The following LRBA variants were observed in gnomAD, a reference collection of about 807,000 sequenced individuals.
LRBA encodes the protein lipopolysaccharide-responsive and beige-like anchor protein.
A neutral mutation model predicts 330.0 loss-of-function variants in LRBA; 176 were observed. The ratio of observed to expected loss-of-function variants is 0.53; its 90% CI spans 0.47 to 0.60. The LOEUF is 0.60. LRBA is among the 20% of genes least tolerant of loss of function. The pLI is 0.00. For synonymous variants in LRBA, 1,230 were observed against 1,193.0 expected (o/e 1.03, Z -0.64); for missense variants, 3,259 against 3,444.8 (o/e 0.95, Z 1.35).
intron 40 of LRBA, among the ~76,000 whole-genome samples, chr4:150,506,846 A>T (rs1761155836): frequency 6.6e-6 from 1 of 152,222 alleles, no homozygotes; most frequent in African/African-American, 2.4e-5. Flanking sequence ...CTCAGGCCAA[A>T]ATCTCCTTAA....
At chr4:150,400,906 T>C (rs984418135) in intron 47 of LRBA, among the ~76,000 whole-genome samples, 1 of 152,204 alleles carries the variant, frequency 6.6e-6, no homozygotes, top group African/African-American at 2.4e-5. Context: ...GTGAGTGTTA[T>C]GGGTTGAGCT....
chr4:150,749,545 C>G (rs1374451887), intron 35 of LRBA, among the ~76,000 whole-genome samples: 1 of 152,090 alleles, frequency 6.6e-6, no homozygotes, highest in East Asian at 1.9e-4. Flanking sequence ...TGCTTGAGCC[C>G]AGGAGCTCAA....
At chr4:150,625,647 C>T (rs900615621) in intron 37 of LRBA, among the ~76,000 whole-genome samples, 9 of 150,774 alleles carry the variant, frequency 6.0e-5, no homozygotes, top group African/African-American at 1.9e-4. Context: ...AATATTCATG[C>T]CCAATCAGCA....
chr4:150,460,336 C>T (rs1754610183), intron 44 of LRBA, among the ~76,000 whole-genome samples: 5 of 151,686 alleles, frequency 3.3e-5, no homozygotes. Context: ...AAATCACTTA[C>T]TTTTCCTGAA....
intron 30 of LRBA, among the ~76,000 whole-genome samples, chr4:150,817,785 T>C (rs1017953453): frequency 6.6e-5 from 10 of 152,028 alleles, no homozygotes; most frequent in Admixed American, 6.6e-4. Context: ...AAATATCAAA[T>C]AGTCAAAGTT....
intron 40 of LRBA, among the ~76,000 whole-genome samples, chr4:150,496,940 C>T (rs1241827733): frequency 6.6e-6 from 1 of 152,048 alleles, no homozygotes; most frequent in Non-Finnish European, 1.5e-5. Context: ...AGAAAATATT[C>T]ACTATATCCC....
chr4:150,900,503 A>G (rs1180570580), intron 13 of LRBA, among the ~76,000 whole-genome samples: 1 of 152,238 alleles, frequency 6.6e-6, no homozygotes, highest in Non-Finnish European at 1.5e-5. Context: ...ATTCCTATTT[A>G]GCAATCAGCA....
intron 47 of LRBA, among the ~76,000 whole-genome samples, chr4:150,405,580 T>C (rs1024140119): frequency 1.3e-5 from 2 of 152,036 alleles, no homozygotes; most frequent in East Asian, 1.9e-4. Flanking sequence ...TTAACTTCTT[T>C]AGGAGATAAA....
chr4:150,931,681 T>C (rs993242050), intron 2 of LRBA, among the ~76,000 whole-genome samples: 1 of 151,454 alleles, frequency 6.6e-6, no homozygotes, highest in African/African-American at 2.4e-5. Context: ...GTGGGAAGAT[T>C]GCTTGAGCCC....
chr4:150,897,912 G>T, intron 14 of LRBA, 94 bp from the exon 15 acceptor site: 1 of 806,190 alleles, frequency 1.2e-6, no homozygotes, highest in Non-Finnish European at 2.1e-6. Flanking sequence ...TTTTCCATGT[G>T]TTTGTAAGAA....
At chr4:150,749,148 A>G (rs1470785647) in intron 35 of LRBA, among the ~76,000 whole-genome samples, 1 of 152,186 alleles carries the variant, frequency 6.6e-6, no homozygotes, top group Non-Finnish European at 1.5e-5. Context: ...TAAGAGTTAT[A>G]ACTATAAAAC....
chr4:150,353,025 T>A (rs996439375), intron 47 of LRBA, among the ~76,000 whole-genome samples: 1 of 152,166 alleles, frequency 6.6e-6, no homozygotes, highest in African/African-American at 2.4e-5. Context: ...TTTTCTCCAA[T>A]TCACTTAATT....
intron 4 of LRBA, among the ~76,000 whole-genome samples, chr4:150,924,056 TA>T (rs1326370964): frequency 5.3e-5 from 8 of 152,180 alleles, no homozygotes; most frequent in Admixed American, 3.9e-4. Context: ...ACTCTGCAGT[TA>T]AAAATAAAAA....
chr4:150,368,361 A>G (rs1739790742), intron 47 of LRBA, among the ~76,000 whole-genome samples: 2 of 152,196 alleles, frequency 1.3e-5, no homozygotes, highest in South Asian at 4.1e-4. Context: ...ATTAAACTAC[A>G]ATTTTTTAGA....
At chr4:150,909,150 A>T (rs1016210550) in intron 9 of LRBA, among the ~76,000 whole-genome samples, 1 of 152,208 alleles carries the variant, frequency 6.6e-6, no homozygotes, top group African/African-American at 2.4e-5. Flanking sequence ...ATAATATACA[A>T]CTTACCATCT....
At position 150,511,801 on chromosome 4, in the gene LRBA, A is replaced by G. The variant is rs78311056; in HGVS notation, c.6331-20766T>C. On this transcript the variant is annotated intron_variant, in intron 40 of 56. Transcript: ENST00000651943. ...ATGACGCAGTCAAAATCACATAACT[A>G]GTAAGTAGTGTAGCCAAGTCTATCA... Among the ~76,000 whole-genome samples the G allele has an allele frequency of 5.8e-3, 883 of 152,342 alleles. 7 individuals are homozygous for G. The highest frequency in any genetic ancestry group is 0.021 in the African/African-American group (857 of 41,584).
chr4:150,602,636 T>C (rs1379726298), intron 37 of LRBA, among the ~76,000 whole-genome samples: 1 of 152,100 alleles, frequency 6.6e-6, no homozygotes, highest in Non-Finnish European at 1.5e-5. Flanking sequence ...GGAGAATGTG[T>C]AGGTTTTGGT....
chr4:150,681,371 T>C (rs1379002923), intron 37 of LRBA, among the ~76,000 whole-genome samples: 1 of 152,202 alleles, frequency 6.6e-6, no homozygotes, highest in African/African-American at 2.4e-5. Context: ...GCATACATTT[T>C]TGTCAGCTAC....
At chr4:150,532,899 C>T (rs1047233636) in intron 40 of LRBA, among the ~76,000 whole-genome samples, 1 of 151,990 alleles carries the variant, frequency 6.6e-6, no homozygotes, top group African/African-American at 2.4e-5. Context: ...CTTAAAAATA[C>T]TGAGAGGAAA....
Sources: gnomAD v4.1 joint callset for allele counts (sites outside exome capture counted in the v4.1 genomes callset) on GRCh38, gnomAD v4.1.1 for gene constraint, MANE v1.5 for transcripts, NCBI Gene and HGNC (gene_info 2026-07-23, HGNC 2026-07-21) for gene names.